FAM111B: variants seen among roughly 807,000 people sequenced by gnomAD.
FAM111B encodes the protein serine protease FAM111B.
In FAM111B, 1 loss-of-function variant was observed where a neutral mutation model predicts 2.8. That is an observed-to-expected ratio of 0.36 (90% CI 0.13 to 1.70). The LOEUF (loss-of-function observed/expected upper bound fraction) is 1.70. FAM111B is among the 40% of genes most tolerant of loss of function. The pLI is 0.35. For synonymous variants in FAM111B, 297 were observed against 295.6 expected, an observed-to-expected ratio of 1.00 and a Z score of -0.05; for missense variants, 882 against 878.9, an observed-to-expected ratio of 1.00 and a Z score of -0.04.
At chr11:59,112,125 G>C (rs1859767480) in intron 3 of FAM111B, among the ~76,000 whole-genome samples, 1 of 152,100 alleles carries the variant, frequency 6.6e-6, no homozygotes, top group South Asian at 2.1e-4. Flanking sequence ...AATTTCTTGT[G>C]TGGTTCCATC....
chr11:59,125,225 T>A lies in FAM111B; in HGVS notation c.1128T>A (p.Ile376=). ...RRPHLGRRYA[I]NLDVQKEAIN... is the part of the protein sequence containing the mutation. ...CGCATCTGGGTAGGCGGTATGCTAT[T>A]AATCTGGATGTCCAAAAGGAGGCAA... The change falls in exon 4 of 4, where the codon ATT becomes ATA. Residue 376 remains isoleucine (I), a synonymous_variant. Transcript: ENST00000343597. 1 of 1,613,986 alleles carries A rather than the reference T, an allele frequency of 6.2e-7. No individual in the cohort carries two copies. Among genetic ancestry groups the A allele is most frequent in the East Asian group, 2.2e-5 (1 of 44,886 alleles).
At chr11:59,123,115 C>A (rs1859949419) in intron 3 of FAM111B, among the ~76,000 whole-genome samples, 1 of 152,066 alleles carries the variant, frequency 6.6e-6, no homozygotes, top group Non-Finnish European at 1.5e-5. Flanking sequence ...TATATCCCAT[C>A]CTATTATTTA....
chr11:59,119,392 T>C (rs1409219402), intron 3 of FAM111B, among the ~76,000 whole-genome samples: 1 of 152,226 alleles, frequency 6.6e-6, no homozygotes, highest in African/African-American at 2.4e-5. Flanking sequence ...TGTTTTTCCG[T>C]TTCTCAGGTG....
At chr11:59,115,198 C>T (rs1859821114) in intron 3 of FAM111B, among the ~76,000 whole-genome samples, 1 of 152,140 alleles carries the variant, frequency 6.6e-6, no homozygotes, top group Non-Finnish European at 1.5e-5. Flanking sequence ...TTATGCTATT[C>T]TTCTTTCCCC....
chr11:59,124,945 T>A lies in FAM111B; in HGVS notation c.848T>A (p.Ile283Asn), dbSNP rs200240410. 7.5e-6 allele frequency: 12 copies of A among 1,604,482 alleles called. No homozygotes were observed. In the East Asian group the frequency reaches 2.7e-4, roughly 36 times the overall value. Residue 283 changes from isoleucine (I) to asparagine (N), a missense_variant, in exon 4 of 4, where the codon ATT (isoleucine) becomes AAT (asparagine). Ile to Asn is a moderately radical substitution (Grantham distance 149). Transcript: ENST00000343597. ...ALQQKDIHKKIKQNESATDEI... is the reference protein window; with the variant it reads ...ALQQKDIHKKNKQNESATDEI... ...CAACAGAAAGATATCCATAAAAAAATTAAACAGAATGAAAGTGCCACTGAT... is the reference window on the plus strand; with the variant it reads ...CAACAGAAAGATATCCATAAAAAAAATAAACAGAATGAAAGTGCCACTGAT...
chr11:59,115,966 G>A (rs899799702), intron 3 of FAM111B, among the ~76,000 whole-genome samples: 3 of 152,182 alleles, frequency 2.0e-5, no homozygotes, highest in Admixed American at 2.0e-4. Context: ...GGTGGAGGCA[G>A]AGTCCCGTCC....
chr11:59,125,072 C>T lies in FAM111B; in HGVS notation c.975C>T (p.Leu325=), dbSNP rs1684602108. ...TAGAACACAGCAGAGAGCAAATTCT[C>T]CCACCTCAGGATCTAAGCCATTATA... ...KDVEHSREQI[L]PPQDLSHYIK... The change falls in exon 4 of 4, where the codon CTC becomes CTT. Residue 325 remains leucine, a synonymous_variant. Transcript: ENST00000343597. The T allele has an allele frequency of 6.2e-7, 1 of 1,613,038 alleles. No individual in the cohort carries two copies. The highest frequency in any genetic ancestry group is 8.5e-7 in the Non-Finnish European group (1 of 1,179,606).
At chr11:59,118,262 G>A (rs1178048146) in intron 3 of FAM111B, among the ~76,000 whole-genome samples, 2 of 152,082 alleles carry the variant, frequency 1.3e-5, no homozygotes, top group Non-Finnish European at 2.9e-5. Context: ...TCATCCTTAG[G>A]TTCCCTGCCT....
In FAM111B at chr11:59,124,800, A is replaced by G. The variant is rs781580149; in HGVS notation, c.703A>G (p.Ile235Val). The change falls in exon 4 of 4, where the codon ATA (isoleucine) becomes GTA (valine). Residue 235 changes from isoleucine to valine, a missense_variant. Ile to Val is a conservative substitution (Grantham distance 29, BLOSUM62 3). Transcript: ENST00000343597. ...LCKDGRFRSD[I>V]GEFEWKLKEG... Reference sequence around the variant, plus strand: ...CAAGGATGGCCGTTTTCGGTCTGACATAGGTGAATTTGAATGGAAACTAAA... The same window carrying G: ...CAAGGATGGCCGTTTTCGGTCTGACGTAGGTGAATTTGAATGGAAACTAAA... The G allele has an allele frequency of 1.5e-5, 24 of 1,613,800 alleles. No individual in the cohort carries two copies. In the Admixed American group the frequency reaches 1.8e-4, roughly 12 times the overall value.
At chr11:59,109,346 A>G (rs1859720425) in intron 2 of FAM111B, among the ~76,000 whole-genome samples, 194 bp from the exon 3 acceptor site, 1 of 152,132 alleles carries the variant, frequency 6.6e-6, no homozygotes, top group African/African-American at 2.4e-5. Flanking sequence ...TTCTCAAATC[A>G]GGGAAACTAC....
chr11:59,109,457 A>G, intron 2 of FAM111B, 83 bp from the exon 3 acceptor site: 1 of 496,322 alleles, frequency 2.0e-6, no homozygotes, highest in Non-Finnish European at 3.6e-6. Context: ...CTTCTCAGAT[A>G]TCAGAGATGA....
Position 59,126,233 on chromosome 11 carries a change from C to T in FAM111B, c.2136C>T (p.Thr712=), listed in dbSNP as rs756293996. The T allele has an allele frequency of 2.5e-6, 4 of 1,599,932 alleles. 1 individual carries two copies. The South Asian group carries it at 4.6e-5, about 18-fold the overall frequency. ...CATTAAATGATGAGAAACTTGAGAC[C>T]TACGATGAAGAGAAAGGTAAACAAG... The part of the protein sequence containing the change: ...YKSLNDEKLE[T]YDEEKGKQES... The change falls in exon 4 of 4, where the codon ACC becomes ACT. Residue 712 remains threonine (T), a synonymous_variant. Transcript: ENST00000343597.
At chr11:59,118,148 TGGG>T (rs1292533849) in intron 3 of FAM111B, among the ~76,000 whole-genome samples, 2 of 152,160 alleles carry the variant, frequency 1.3e-5, no homozygotes, top group East Asian at 3.9e-4. Context: ...AAGCGGGAGT[TGGG>T]GGCATAATTT....
rs1250172616 is a variant in FAM111B at position 59,125,464 on chromosome 11, A to G, written c.1367A>G (p.Tyr456Cys). 1.9e-6 allele frequency: 3 copies of G among 1,614,002 alleles called. No individual in the cohort carries two copies. The highest frequency in any genetic ancestry group is 2.5e-6 in the Non-Finnish European group (3 of 1,179,858). ...GTTGCAACCTGCGAACAGCTTACAT[A>G]TTATAGCAAGTCAGTTGGGTTCATG... Reference protein sequence around the residue: ...VSVATCEQLTYYSKSVGFMQW... With the variant: ...VSVATCEQLTCYSKSVGFMQW... Residue 456 changes from tyrosine (Y) to cysteine (C), a missense_variant, in exon 4 of 4, where the codon TAT becomes TGT. By Grantham distance (194) the Tyr-to-Cys change is radical. Coordinates refer to ENST00000343597, the MANE Select transcript of FAM111B (RefSeq NM_198947.4).
intron 3 of FAM111B, among the ~76,000 whole-genome samples, chr11:59,116,808 G>C (rs1040340927): frequency 6.6e-6 from 1 of 152,224 alleles, no homozygotes; most frequent in Non-Finnish European, 1.5e-5. Context: ...GAAACCCCCA[G>C]GTGATTCTGA....
chr11:59,126,131 TGCCC>T lies in FAM111B; in HGVS notation c.2035_2038del (p.Ala679LeufsTer26). The T allele has an allele frequency of 6.2e-7, 1 of 1,612,744 alleles. No homozygotes were observed. The highest frequency in any genetic ancestry group is 1.3e-5 in the African/African-American group (1 of 74,906). On this transcript the variant is annotated frameshift_variant, in exon 4 of 4. Transcript: ENST00000343597. LOFTEE classifies it low-confidence loss of function (END_TRUNC). ...TTTATCAACGAGGATTTAATGTGCATGCCCTTATTGAATTTGGTTATTCTATGGA... is the reference window on the plus strand; with the variant it reads ...TTTATCAACGAGGATTTAATGTGCATTTATTGAATTTGGTTATTCTATGGA...
chr11:59,109,086 G>A (rs186603559), intron 2 of FAM111B, among the ~76,000 whole-genome samples: 49 of 152,206 alleles, frequency 3.2e-4, no homozygotes, highest in Non-Finnish European at 6.0e-4. Flanking sequence ...TTTTCTAGTC[G>A]GATTTTTGGG....
chr11:59,125,289 A>G lies in FAM111B; in HGVS notation c.1192A>G (p.Ile398Val). ...LKNYQTLNEA[I>V]MHQYPNFKEE... ...GAATTATCAAACGTTGAATGAAGCC[A>G]TAATGCATCAGTATCCGAATTTTAA... Residue 398 changes from isoleucine (I) to valine (V), a missense_variant, in exon 4 of 4, where the codon ATA (isoleucine) becomes GTA (valine). Transcript: ENST00000343597. 1 of 1,614,030 alleles carries G rather than the reference A, an allele frequency of 6.2e-7. No individual in the cohort carries two copies. The highest frequency in any genetic ancestry group is 8.5e-7 in the Non-Finnish European group (1 of 1,179,892).
chr11:59,115,752 G>T (rs1859829181), intron 3 of FAM111B, among the ~76,000 whole-genome samples: 1 of 152,142 alleles, frequency 6.6e-6, no homozygotes, highest in South Asian at 2.1e-4. Flanking sequence ...CCCCTCCCTG[G>T]GTGGGGATTT....
Sources: allele counts gnomAD v4.1 joint callset (sites outside exome capture counted in the v4.1 genomes callset), GRCh38; gene constraint gnomAD v4.1.1; transcripts MANE v1.5; gene names NCBI Gene and HGNC (gene_info 2026-07-23, HGNC 2026-07-21).